Variants in SLC10A7 observed in about 807,000 individuals in gnomAD.
SLC10A7 encodes the protein solute carrier family 10 member 7, also known as sodium/bile acid cotransporter 7.
SLC10A7 carries 29 observed loss-of-function variants against 43.2 expected under a neutral mutation model. The observed-to-expected ratio is 0.67, with a 90% confidence interval of 0.50 to 0.92. SLC10A7 has a LOEUF of 0.92. Among genes scored for constraint, SLC10A7 ranks in the 40% least tolerant of loss-of-function variants. The probability of loss-of-function intolerance (pLI) is 0.00; values close to 1 mark genes in which losing one functional copy is unlikely to be tolerated. For missense variants in SLC10A7, 295 were observed against 403.2 expected (o/e 0.73, Z 2.30); for synonymous variants, 152 against 144.8 (o/e 1.05, Z -0.35).
intron 3 of SLC10A7, among the ~76,000 whole-genome samples, chr4:146,507,182 AT>A (rs962243717): frequency 7.2e-5 from 11 of 151,892 alleles, no homozygotes; most frequent in Admixed American, 1.3e-4. Context: ...GAATTTACAT[AT>A]TTTTTTTGAT....
intron 5 of SLC10A7, among the ~76,000 whole-genome samples, chr4:146,326,973 AAGAGAGAG>A (rs33979046): frequency 5.4e-5 from 8 of 149,342 alleles, no homozygotes; most frequent in East Asian, 2.0e-4. Flanking sequence ...CACACAGAAA[AAGAGAGAG>A]AGAGAGAGAG....
chr4:146,377,715 A>C (rs1362915650), intron 5 of SLC10A7, among the ~76,000 whole-genome samples: 2 of 152,188 alleles, frequency 1.3e-5, no homozygotes, highest in Non-Finnish European at 2.9e-5. Context: ...TGCAGAGGAC[A>C]ACTACATATT....
At chr4:146,392,991 G>GTGT (rs1738552543) in intron 5 of SLC10A7, among the ~76,000 whole-genome samples, 1 of 151,750 alleles carries the variant, frequency 6.6e-6, no homozygotes, top group Non-Finnish European at 1.5e-5. Context: ...CTTGATCATG[G>GTGT]TGTTCTCTCT....
At chr4:146,509,748 C>G (rs542964769) in intron 3 of SLC10A7, among the ~76,000 whole-genome samples, 165 bp downstream of exon 3, 1 of 152,226 alleles carries the variant, frequency 6.6e-6, no homozygotes, top group East Asian at 1.9e-4. Context: ...ATTTGATGAA[C>G]CTCCTTGATG....
At chr4:146,352,855 C>T (rs1735236432) in intron 5 of SLC10A7, among the ~76,000 whole-genome samples, 1 of 144,226 alleles carries the variant, frequency 6.9e-6, no homozygotes. Flanking sequence ...AAAGACACCA[C>T]ATACCAGAAT....
chr4:146,462,071 A>AT (rs1732587373), intron 4 of SLC10A7, among the ~76,000 whole-genome samples: 1 of 151,954 alleles, frequency 6.6e-6, no homozygotes, highest in African/African-American at 2.4e-5. Context: ...ATTTAGTTTT[A>AT]TTTTTTCAAA....
Position 146,458,686 on chromosome 4 carries a change from G to A in SLC10A7, c.397-15865C>T, listed in dbSNP as rs576398650. Among the ~76,000 whole-genome samples, 8 of 151,874 alleles carry A rather than the reference G, an allele frequency of 5.3e-5. No homozygotes were observed. The East Asian group carries it at 1.5e-3, about 29-fold the overall frequency. ...CACTGCTGTATCCAATCATTGTAAA[G>A]GTTAAACAACTTCCTCGTTTTTACT... is the stretch of plus-strand genomic sequence containing the variant. On this transcript the variant is annotated intron_variant, in intron 4 of 11. Coordinates refer to ENST00000335472, the MANE Select transcript of SLC10A7 (RefSeq NM_001029998.6).
In SLC10A7 at chr4:146,521,506, G is replaced by GC; in HGVS notation, c.100+111dup. On this transcript the variant is annotated intron_variant, in intron 1 of 11. Coordinates refer to ENST00000335472, the MANE Select transcript of SLC10A7 (RefSeq NM_001029998.6). ...GCAAAAGGGCCAAAGGCTGGTCAGT[G>GC]CCCCCTGAAATTGGCAAGCGCTTGC... 3.7e-6 allele frequency: 3 copies of GC among 815,560 alleles called. No homozygotes were observed. In the South Asian group the frequency reaches 5.1e-5, roughly 14 times the overall value. The allele number at this position is 815,560 out of a possible 1,614,324, so 50.5% of individuals were successfully genotyped here.
At chr4:146,515,079 G>A in intron 2 of SLC10A7, 1 of 701,490 alleles carries the variant, frequency 1.4e-6, no homozygotes, top group Non-Finnish European at 2.6e-6. Context: ...GCTGACAGCT[G>A]TGGCATTCTT....
chr4:146,285,261 G>A (rs1249586129), intron 9 of SLC10A7, among the ~76,000 whole-genome samples: 1 of 152,124 alleles, frequency 6.6e-6, no homozygotes, highest in African/African-American at 2.4e-5. Flanking sequence ...CACACAGCAT[G>A]GTGTAAGACT....
intron 5 of SLC10A7, among the ~76,000 whole-genome samples, chr4:146,401,606 T>C (rs546817682): frequency 3.2e-3 from 486 of 152,198 alleles, no homozygotes; most frequent in African/African-American, 0.011. Flanking sequence ...TTCAGGTTGG[T>C]TGCTGAACAA....
chr4:146,348,891 G>T (rs1734817084), intron 5 of SLC10A7, among the ~76,000 whole-genome samples: 1 of 152,120 alleles, frequency 6.6e-6, no homozygotes, highest in African/African-American at 2.4e-5. Context: ...TGCCATATTA[G>T]TCAACCAAAT....
intron 4 of SLC10A7, among the ~76,000 whole-genome samples, chr4:146,447,938 C>T (rs544902123): frequency 6.6e-6 from 1 of 150,714 alleles, no homozygotes; most frequent in Non-Finnish European, 1.5e-5. Flanking sequence ...AAAAAAAAAC[C>T]TAATCATTCT....
At chr4:146,278,792 T>C (rs1729366372) in intron 10 of SLC10A7, among the ~76,000 whole-genome samples, 1 of 152,162 alleles carries the variant, frequency 6.6e-6, no homozygotes, top group African/African-American at 2.4e-5. Context: ...ATGAGGCCTA[T>C]GGCAATTAAG....
chr4:146,301,238 A>G (rs1350157971), intron 7 of SLC10A7, among the ~76,000 whole-genome samples: 2 of 152,202 alleles, frequency 1.3e-5, no homozygotes, highest in African/African-American at 2.4e-5. Flanking sequence ...GTCACATTAG[A>G]GGGCACCTCT....
intron 6 of SLC10A7, among the ~76,000 whole-genome samples, chr4:146,322,688 G>C (rs1732807439): frequency 6.6e-6 from 1 of 152,158 alleles, no homozygotes; most frequent in African/African-American, 2.4e-5. Flanking sequence ...ACATACGTGT[G>C]CATGTGTCTT....
At chr4:146,455,387 C>T (rs1438594316) in intron 4 of SLC10A7, among the ~76,000 whole-genome samples, 1 of 151,788 alleles carries the variant, frequency 6.6e-6, no homozygotes, top group East Asian at 1.9e-4. Context: ...AGGAATTGGC[C>T]AAGAATTCCC....
intron 1 of SLC10A7, among the ~76,000 whole-genome samples, chr4:146,517,651 G>A (rs1025825359): frequency 6.6e-6 from 1 of 152,056 alleles, no homozygotes; most frequent in African/African-American, 2.4e-5. Flanking sequence ...TCAGCACAGT[G>A]TCTTCAGACC....
At chr4:146,445,854 G>C (rs552032250) in intron 4 of SLC10A7, among the ~76,000 whole-genome samples, 3 of 151,640 alleles carry the variant, frequency 2.0e-5, no homozygotes, top group South Asian at 4.2e-4. Context: ...CTTCTCCTCT[G>C]GTTGTTCAAA....
Sources: allele counts gnomAD v4.1 joint callset (sites outside exome capture counted in the v4.1 genomes callset), GRCh38; gene constraint gnomAD v4.1.1; transcripts MANE v1.5; gene names NCBI Gene and HGNC (gene_info 2026-07-23, HGNC 2026-07-21).